JCAD: variants seen among roughly 807,000 people sequenced by gnomAD.
JCAD encodes junctional cadherin 5 associated.
A neutral mutation model predicts 98.0 loss-of-function variants in JCAD; 40 were observed. That is an observed-to-expected ratio of 0.41 (90% confidence interval 0.32 to 0.53). The LOEUF (loss-of-function observed/expected upper bound fraction) is 0.53. JCAD is among the 20% of genes least tolerant of loss of function. JCAD has a pLI of 0.31. For synonymous variants in JCAD, 691 were observed against 682.3 expected (o/e 1.01, Z -0.20); for missense variants, 1,705 against 1,738.1 (o/e 0.98, Z 0.34).
intron 1 of JCAD, among the ~76,000 whole-genome samples, chr10:30,111,138 C>T (rs1838693932): frequency 1.3e-5 from 2 of 152,192 alleles, no homozygotes; most frequent in Non-Finnish European, 2.9e-5. Context: ...GATGTATGGG[C>T]CTGCTGATGT....
chr10:30,099,657 A>C (rs1351006991), intron 1 of JCAD, among the ~76,000 whole-genome samples: 1 of 152,206 alleles, frequency 6.6e-6, no homozygotes. Flanking sequence ...TCTACAAATA[A>C]TCTTTATGCC....
rs1564443270 is a variant in JCAD at position 30,027,850 on chromosome 10, C to T, written c.2298G>A (p.Arg766=). The change falls in exon 3 of 4, where the codon AGG becomes AGA. Residue 766 remains arginine, a synonymous_variant. Transcript: ENST00000375377. The part of the protein sequence containing the change: ...LSPSSNSAFS[R]TSLSVDQAPT... The stretch of plus-strand genomic sequence containing the variant: ...GTGCCTGGTCCACGGACAAGGAAGT[C>T]CTTGAGAACGCACTGTTGCTGGATG... 2 of 1,614,244 alleles carry T rather than the reference C, an allele frequency of 1.2e-6. No homozygotes were observed. Among genetic ancestry groups the T allele is most frequent in the Non-Finnish European group, 8.5e-7 (1 of 1,180,036 alleles).
rs1174128539 is a variant in JCAD, at chr10:30,059,213, G to A, written c.-60+269C>T. On this transcript the variant is annotated intron_variant, in intron 1 of 3. Coordinates refer to ENST00000375377, the MANE Select transcript of JCAD (RefSeq NM_020848.4). The surrounding 1 kb of genome is among the most constrained non-coding windows in gnomAD (Gnocchi z 5.0). Reference sequence around the variant, plus strand: ...GCCCCGGGACCCCCGCGCTCCGAGCGGGGCACCTGAGGGGAGGGGACGCCC... The same window carrying A: ...GCCCCGGGACCCCCGCGCTCCGAGCAGGGCACCTGAGGGGAGGGGACGCCC... Among the ~76,000 whole-genome samples, 13 of 151,488 alleles carry A rather than the reference G, an allele frequency of 8.6e-5. No individual in the cohort carries two copies. Among genetic ancestry groups the A allele is most frequent in the Non-Finnish European group, 1.6e-4 (11 of 67,806 alleles).
chr10:30,113,517 C>A (rs945868938), intron 1 of JCAD, among the ~76,000 whole-genome samples: 1 of 140,472 alleles, frequency 7.1e-6, no homozygotes, highest in African/African-American at 2.8e-5. Context: ...TGCCACTGCA[C>A]TCCAGCCTGG....
chr10:30,041,874 C>T (rs914761421), intron 2 of JCAD, among the ~76,000 whole-genome samples: 1 of 152,148 alleles, frequency 6.6e-6, no homozygotes, highest in Non-Finnish European at 1.5e-5. Flanking sequence ...TTTTAATGGT[C>T]GTTAAGTATT....
intron 1 of JCAD, among the ~76,000 whole-genome samples, chr10:30,098,065 G>T (rs1392160580): frequency 6.6e-6 from 1 of 152,144 alleles, no homozygotes; most frequent in African/African-American, 2.4e-5. Flanking sequence ...TGGTTATCTG[G>T]AGAGTCCAGC....
Position 30,017,886 on chromosome 10 carries a change from C to T in JCAD, c.4077G>A (p.Val1359=), listed in dbSNP as rs1030108929. Residue 1359 remains valine, a synonymous_variant, in exon 4 of 4, where the codon GTG becomes GTA. Transcript: ENST00000375377. ...TGCAAGCTCCACCGGCATTTCATCA[C>T]ACCCTCTCCACTCTGCTAGGGTCAT... ...DSYDPSRVER[V] 5.0e-6 allele frequency: 8 copies of T among 1,613,024 alleles called. No individual in the cohort carries two copies. The highest frequency in any genetic ancestry group is 1.7e-4 in the Middle Eastern group (1 of 6,060).
At chr10:30,100,031 T>C (rs1838442702) in intron 1 of JCAD, among the ~76,000 whole-genome samples, 1 of 152,178 alleles carries the variant, frequency 6.6e-6, no homozygotes, top group South Asian at 2.1e-4. Flanking sequence ...CTGTGCGGTC[T>C]AACCCTGGCC....
chr10:30,115,016 A>C (rs1189898791), intron 1 of JCAD, among the ~76,000 whole-genome samples: 1 of 152,190 alleles, frequency 6.6e-6, no homozygotes, highest in East Asian at 1.9e-4. Flanking sequence ...CTTCTGTATG[A>C]GCTGGTCACG....
In JCAD at chr10:30,027,778, C is replaced by T. The variant is rs1208663713; in HGVS notation, c.2370G>A (p.Gly790=). 3.7e-6 allele frequency: 6 copies of T among 1,614,136 alleles called. No homozygotes were observed. In the Admixed American group the frequency reaches 8.3e-5, roughly 22 times the overall value. ...GCTTAGGCCCAGGGTGGGCTCCAAG[C>T]CCGTGGACATCCACGCAGGGCTGAC... ...GRSQPCVDVH[G]LGAHPGPKRE... is the part of the protein sequence containing the mutation. Residue 790 remains glycine, a synonymous_variant, in exon 3 of 4, where the codon GGG becomes GGA. Transcript: ENST00000375377.
At chr10:30,043,250 A>T (rs1347349301) in intron 2 of JCAD, among the ~76,000 whole-genome samples, 1 of 152,174 alleles carries the variant, frequency 6.6e-6, no homozygotes, top group African/African-American at 2.4e-5. Flanking sequence ...TATGCTCAAA[A>T]ATCTCATCAA....
chr10:30,070,015 G>C (rs1459130199), intron 1 of JCAD, among the ~76,000 whole-genome samples: 1 of 152,026 alleles, frequency 6.6e-6, no homozygotes, highest in South Asian at 2.1e-4. Context: ...CAAGCAGATG[G>C]CATGCTATTT....
chr10:30,019,032 T>C (rs1836598183), intron 3 of JCAD, among the ~76,000 whole-genome samples: 2 of 152,260 alleles, frequency 1.3e-5, no homozygotes, highest in South Asian at 4.1e-4. Flanking sequence ...TACCTAATCA[T>C]CAAGGTTTTC....
chr10:30,105,751 C>T (rs1347275744), intron 1 of JCAD, among the ~76,000 whole-genome samples: 1 of 152,172 alleles, frequency 6.6e-6, no homozygotes, highest in Non-Finnish European at 1.5e-5. Flanking sequence ...AAATAATTCA[C>T]ATAATGCTTG....
At chr10:30,082,125 A>G (rs1325906223) in intron 1 of JCAD, among the ~76,000 whole-genome samples, 4 of 152,214 alleles carry the variant, frequency 2.6e-5, no homozygotes. Context: ...ATATATTTAT[A>G]TCTCACACAT....
chr10:30,075,100 T>C (rs1837959770), intron 1 of JCAD, among the ~76,000 whole-genome samples: 1 of 152,200 alleles, frequency 6.6e-6, no homozygotes, highest in Admixed American at 6.5e-5. Flanking sequence ...AGACTTGTTT[T>C]TGAAGGGTTT....
chr10:30,036,563 T>G (rs1294927249), intron 2 of JCAD, among the ~76,000 whole-genome samples: 1 of 152,222 alleles, frequency 6.6e-6, no homozygotes, highest in Non-Finnish European at 1.5e-5. Flanking sequence ...TGACTTGTTA[T>G]CACCCAGGCA....
At chr10:30,018,441 CA>C (rs777614163) in intron 3 of JCAD, among the ~76,000 whole-genome samples, 25 of 152,214 alleles carry the variant, frequency 1.6e-4, no homozygotes, top group African/African-American at 4.3e-4. Context: ...TGTCTCTCAT[CA>C]CCACTGACCA....
intron 1 of JCAD, among the ~76,000 whole-genome samples, chr10:30,101,620 G>A (rs1230546004): frequency 5.3e-5 from 8 of 151,918 alleles, no homozygotes; most frequent in African/African-American, 1.9e-4. Context: ...CACCTGCCTT[G>A]GCCTCCCAAA....
Sources: allele counts gnomAD v4.1 joint callset (sites outside exome capture counted in the v4.1 genomes callset), GRCh38; gene constraint gnomAD v4.1.1; non-coding constraint Gnocchi (gnomAD v3.1); transcripts MANE v1.5; gene names NCBI Gene and HGNC (gene_info 2026-07-23, HGNC 2026-07-21).